Variants in IGFN1 observed in about 807,000 individuals in gnomAD.
IGFN1 encodes the protein immunoglobulin-like and fibronectin type III domain-containing protein 1.
IGFN1 carries 253 observed loss-of-function variants against 289.5 expected under a neutral mutation model. The ratio of observed to expected loss-of-function variants is 0.87; its 90% CI spans 0.79 to 0.97. The LOEUF is 0.97. IGFN1 is among the 50% of genes least tolerant of loss of function. The probability of loss-of-function intolerance (pLI) is 0.00; values close to 1 mark genes in which losing one functional copy is unlikely to be tolerated. For synonymous variants in IGFN1, 1,706 were observed against 1,788.5 expected, an observed-to-expected ratio of 0.95 and a Z score of 1.16; for missense variants, 4,470 against 4,686.1, an observed-to-expected ratio of 0.95 and a Z score of 1.35.
In IGFN1 at chr1:201,213,032, G is replaced by A; in HGVS notation, c.8139G>A (p.Leu2713=). 1 of 1,551,600 alleles carries A rather than the reference G, an allele frequency of 6.4e-7. No individual in the cohort carries two copies. Among genetic ancestry groups the A allele is most frequent in the Non-Finnish European group, 8.7e-7 (1 of 1,146,950 alleles). ...TTGATGCAGAGGACTCAGGTATCCT[G>A]GGCAAGGGGAATTCTACTGAGTGGG... ...SSVDAEDSGI[L]GKGNSTEWGN... The change falls in exon 12 of 24, where the codon CTG becomes CTA. Residue 2713 remains leucine (L), a synonymous_variant. Coordinates refer to ENST00000335211, the MANE Select transcript of IGFN1 (RefSeq NM_001164586.2).
intron 21 of IGFN1, among the ~76,000 whole-genome samples, chr1:201,225,176 T>C (rs1653998302): frequency 6.6e-6 from 1 of 152,174 alleles, no homozygotes; most frequent in South Asian, 2.1e-4. Context: ...CACTGTTACA[T>C]CACTCCAAAG....
Position 201,218,532 on chromosome 1 carries a change from A to AGGAGGTGGAC in IGFN1, c.9775_9784dup (p.Val3262GlufsTer14), listed in dbSNP as rs1653479612. On this transcript the variant is annotated frameshift_variant, in exon 18 of 24. Coordinates refer to ENST00000335211, the MANE Select transcript of IGFN1 (RefSeq NM_001164586.2). LOFTEE classifies it high-confidence loss of function. ...TCACATGGGCGGGCTGTTCACAGAG[A>AGGAGGTGGAC]GGAGGTGGACGGTGGCGGACGTGCG... 6.2e-7 allele frequency: 1 copy of AGGAGGTGGAC among 1,612,098 alleles called. No individual in the cohort carries two copies. The highest frequency in any genetic ancestry group is 1.7e-5 in the Admixed American group (1 of 59,956).
Position 201,226,933 on chromosome 1 carries a change from A to T in IGFN1, c.10838A>T (p.Lys3613Met). Residue 3613 changes from lysine to methionine, a missense_variant, in exon 23 of 24, where the codon AAG (lysine) becomes ATG (methionine). Physicochemically the swap from Lys to Met is moderately conservative, Grantham distance 95. Coordinates refer to ENST00000335211, the MANE Select transcript of IGFN1 (RefSeq NM_001164586.2). ...TACCGGGAGCCCGACCTGAGCCAGA[A>T]GCCCCGGTTCCTGGTGGGCCTGCGG... ...PCYREPDLSQKPRFLVGLRSH... is the reference protein window; with the variant it reads ...PCYREPDLSQMPRFLVGLRSH... The T allele has an allele frequency of 6.2e-7, 1 of 1,610,360 alleles. No individual in the cohort carries two copies. The highest frequency in any genetic ancestry group is 1.7e-5 in the Admixed American group (1 of 59,796).
intron 16 of IGFN1, 22 bp downstream of exon 16, chr1:201,216,775 G>A (rs757047397): frequency 7.7e-6 from 12 of 1,567,850 alleles, no homozygotes; most frequent in Admixed American, 1.7e-5. Flanking sequence ...GGCTGGGGCT[G>A]GGGGTGGGGG....
rs1175716334 is a variant in IGFN1, at chr1:201,211,338, C to A, written c.6445C>A (p.Pro2149Thr). Residue 2149 changes from proline (P) to threonine (T), a missense_variant, in exon 12 of 24, where the codon CCT becomes ACT. Pro to Thr is a conservative substitution (Grantham distance 38). This residue lies in a region of IGFN1 where 2,218 missense variants were observed against 2,114.1 expected (regional missense o/e 1.05). Coordinates refer to ENST00000335211, the MANE Select transcript of IGFN1 (RefSeq NM_001164586.2). ...EAGYRKDLGA[P>T]KGMGSESKAG... ...AGGTTATAGGAAGGATTTGGGGGCT[C>A]CTAAGGGAATGGGTTCAGAGAGTAA... is the stretch of plus-strand genomic sequence containing the variant. 1.1e-5 allele frequency: 16 copies of A among 1,497,280 alleles called. No individual in the cohort carries two copies. The highest frequency in any genetic ancestry group is 1.3e-5 in the Non-Finnish European group (15 of 1,122,406). The allele number at this position is 1,497,280 out of a possible 1,614,324, so 92.7% of individuals were successfully genotyped here. A position where few individuals can be genotyped will look rare whatever the true frequency, so the allele number is the denominator to read the frequency against.
At chr1:201,200,559 T>C (rs1667107625) in intron 8 of IGFN1, 148 bp downstream of exon 8, 1 of 678,868 alleles carries the variant, frequency 1.5e-6, no homozygotes, top group Admixed American at 2.8e-5. Flanking sequence ...CCCAGTGGGG[T>C]ATCTGGCTAA....
rs1284437342 is a variant in IGFN1 at position 201,211,687 on chromosome 1, A to T, written c.6794A>T (p.Tyr2265Phe). The T allele has an allele frequency of 6.5e-7, 1 of 1,537,062 alleles. No homozygotes were observed. Among genetic ancestry groups the T allele is most frequent in the South Asian group, 1.2e-5 (1 of 84,062 alleles). Residue 2265 changes from tyrosine (Y) to phenylalanine (F), a missense_variant, in exon 12 of 24, where the codon TAC (tyrosine) becomes TTC (phenylalanine). Tyr to Phe is a conservative substitution (Grantham distance 22). Transcript: ENST00000335211. ...CCTGAGGAAATGGGTTCAGGCAGTT[A>T]CACAGATTACAGGAATGGTTTAGGC... is the stretch of plus-strand genomic sequence containing the variant. ...GAPEEMGSGSYTDYRNGLGSS... is the reference protein window; with the variant it reads ...GAPEEMGSGSFTDYRNGLGSS...
intron 20 of IGFN1, 151 bp from the exon 21 acceptor site, chr1:201,224,528 T>C: frequency 1.6e-6 from 1 of 635,356 alleles, no homozygotes; most frequent in Non-Finnish European, 2.7e-6. Flanking sequence ...TTCCCACCTG[T>C]GTTTTCTTGT....
rs550189036 is a variant in IGFN1, at chr1:201,226,434, T to A, written c.10786+311T>A. 3.4e-3 allele frequency among the ~76,000 whole-genome samples: 522 copies of A among 152,360 alleles called. 2 individuals are homozygous for A. The highest frequency in any genetic ancestry group is 0.014 in the Middle Eastern group (4 of 294). On this transcript the variant is annotated intron_variant, in intron 22 of 23. Coordinates refer to ENST00000335211, the MANE Select transcript of IGFN1 (RefSeq NM_001164586.2). ...AGACAATAAGGCAAATAGAGGTTAA[T>A]GTTTCTCTGAAAACAAAGTGTATAT... is the stretch of plus-strand genomic sequence containing the variant.
At chr1:201,228,328 A>T in intron 23 of IGFN1, 58 bp from the exon 24 acceptor site, 1 of 1,569,440 alleles carries the variant, frequency 6.4e-7, no homozygotes, top group Non-Finnish European at 8.8e-7. Flanking sequence ...ACCACTGAAC[A>T]GATGCAGGGT....
chr1:201,191,859 T>C (rs1026315855), intron 1 of IGFN1, among the ~76,000 whole-genome samples: 3 of 152,006 alleles, frequency 2.0e-5, no homozygotes, highest in Non-Finnish European at 4.4e-5. Flanking sequence ...TAGCTGCTCG[T>C]GGTGATGATG....
chr1:201,218,097 G>A (rs79644623), intron 17 of IGFN1, among the ~76,000 whole-genome samples: 160 of 152,328 alleles, frequency 1.1e-3, no homozygotes, highest in African/African-American at 3.7e-3. Flanking sequence ...GAACAGGCTC[G>A]GAACAGCTTG....
intron 8 of IGFN1, among the ~76,000 whole-genome samples, chr1:201,200,828 C>A (rs374563760): frequency 1.3e-3 from 146 of 114,426 alleles, no homozygotes; most frequent in South Asian, 9.8e-3. Context: ...TGGTTTATTT[C>A]TTTCTTTTTT....
At chr1:201,197,994 G>T (rs146662784) in intron 5 of IGFN1, among the ~76,000 whole-genome samples, 12 of 152,270 alleles carry the variant, frequency 7.9e-5, no homozygotes, top group Admixed American at 4.6e-4. Context: ...TGATTCCTTC[G>T]TTCCCACTGC....
At chr1:201,191,700 A>C (rs1666664677) in intron 1 of IGFN1, among the ~76,000 whole-genome samples, 1 of 152,150 alleles carries the variant, frequency 6.6e-6, no homozygotes, top group Admixed American at 6.5e-5. Context: ...CCAGAAGTGG[A>C]TGCTTAACGT....
At chr1:201,199,933 C>CT (rs374455467) in intron 7 of IGFN1, among the ~76,000 whole-genome samples, 22 of 145,036 alleles carry the variant, frequency 1.5e-4, no homozygotes, top group African/African-American at 3.8e-4. Flanking sequence ...CAATGATGTA[C>CT]TTTTTTTTTT....
In IGFN1 at chr1:201,228,704, C is replaced by T; in HGVS notation, c.*305C>T. On this transcript the variant is annotated 3_prime_UTR_variant, in exon 24 of 24. Coordinates refer to ENST00000335211, the MANE Select transcript of IGFN1 (RefSeq NM_001164586.2). ...CTTCAGGAGATCCAGAGGGCACCTG[C>T]CTGCAGGATGGGCCGGCTCCTTATT... The T allele has an allele frequency of 2.2e-6, 1 of 446,428 alleles. No homozygotes were observed. The highest frequency in any genetic ancestry group is 4.1e-6 in the Non-Finnish European group (1 of 245,492). 27.7% of individuals were successfully genotyped at this position (446,428 alleles called of 1,614,324 possible).
Position 201,215,086 on chromosome 1 carries a change from G to A in IGFN1, c.8927G>A (p.Gly2976Glu). Reference protein sequence around the residue: ...VHSLFITHVQGTQAGRYTFVA... With the variant: ...VHSLFITHVQETQAGRYTFVA... Reference sequence around the variant, plus strand: ...AGCCTCTTCATCACGCATGTGCAGGGGACCCAAGCTGGGAGGTACACCTTT... The same window carrying A: ...AGCCTCTTCATCACGCATGTGCAGGAGACCCAAGCTGGGAGGTACACCTTT... The change falls in exon 14 of 24, where the codon GGG (glycine) becomes GAG (glutamate). Residue 2976 changes from glycine (G) to glutamate (E), a missense_variant. Around this residue, in one of 8 missense-constraint regions of IGFN1, gnomAD observed 2,218 missense variants for 2,114.1 expected, o/e 1.05. Transcript: ENST00000335211. 1 of 1,614,114 alleles carries A rather than the reference G, an allele frequency of 6.2e-7. No homozygotes were observed. The highest frequency in any genetic ancestry group is 1.1e-5 in the South Asian group (1 of 91,082).
intron 7 of IGFN1, 40 bp downstream of exon 7, chr1:201,199,694 CA>C: frequency 6.6e-7 from 1 of 1,524,886 alleles, no homozygotes; most frequent in South Asian, 1.2e-5. Flanking sequence ...TGGAGGCTCC[CA>C]TAGTATTCAC....
Sources: allele counts gnomAD v4.1 joint callset (sites outside exome capture counted in the v4.1 genomes callset), GRCh38; gene constraint gnomAD v4.1.1; regional missense constraint gnomAD v4.1.1; transcripts MANE v1.5; gene names NCBI Gene and HGNC (gene_info 2026-07-23, HGNC 2026-07-21).